Variants in TIAM2 observed in about 807,000 individuals in gnomAD.
TIAM2 encodes the protein TIAM Rac1 associated GEF 2, also known as rho guanine nucleotide exchange factor TIAM2.
A neutral mutation model predicts 152.9 loss-of-function variants in TIAM2; 80 were observed. The ratio of observed to expected loss-of-function variants is 0.52; its 90% CI spans 0.44 to 0.63. The LOEUF (loss-of-function observed/expected upper bound fraction) is 0.63, where lower values mean the gene tolerates loss of function less well. Ranked by LOEUF, TIAM2 falls within the 30% of genes least tolerant of loss-of-function variation. The probability of loss-of-function intolerance (pLI) is 0.00; values close to 1 mark genes in which losing one functional copy is unlikely to be tolerated. For missense variants in TIAM2, 1,965 were observed against 2,120.1 expected, an observed-to-expected ratio of 0.93 and a Z score of 1.44; for synonymous variants, 804 against 838.0, an observed-to-expected ratio of 0.96 and a Z score of 0.70.
At position 155,137,600 on chromosome 6, in the gene TIAM2, G is replaced by A. The variant is rs1054892138; in HGVS notation, c.1618G>A (p.Val540Ile). The A allele has an allele frequency of 6.3e-7, 1 of 1,591,480 alleles. No homozygotes were observed. Among genetic ancestry groups the A allele is most frequent in the South Asian group, 1.1e-5 (1 of 88,624 alleles). The change falls in exon 5 of 27, where the codon GTA becomes ATA. Residue 540 changes from valine to isoleucine, a missense_variant. Physicochemically the swap from Val to Ile is conservative, Grantham distance 29. Transcript: ENST00000682666. ...VARRKWKQYW[V>I]TLKGCTLLFY... ...ACGAAGGAAATGGAAACAGTACTGG[G>A]TAACGCTGAAAGGTGAGTGCAGTGT...
chr6:155,065,231 G>A (rs1320245550), intron 1 of TIAM2, among the ~76,000 whole-genome samples: 1 of 152,068 alleles, frequency 6.6e-6, no homozygotes, highest in African/African-American at 2.4e-5. Flanking sequence ...TGGGATTACA[G>A]GCGTGAGCCA....
chr6:155,005,846 C>T (rs1260427085), intron 1 of TIAM2, among the ~76,000 whole-genome samples: 3 of 152,124 alleles, frequency 2.0e-5, no homozygotes, highest in Non-Finnish European at 4.4e-5. Context: ...AATGGGGTTT[C>T]ACCATGTTGG....
At position 155,209,448 on chromosome 6, in the gene TIAM2, G is replaced by A. The variant is rs144793740; in HGVS notation, c.3065-1756G>A. 2.9e-3 allele frequency among the ~76,000 whole-genome samples: 435 copies of A among 152,288 alleles called. 4 individuals are homozygous for A. The highest frequency in any genetic ancestry group is 9.9e-3 in the African/African-American group (410 of 41,552). On this transcript the variant is annotated intron_variant, in intron 14 of 26. Transcript: ENST00000682666. Reference sequence around the variant, plus strand: ...GGAGGCAGTCTTAAAGGACAGCAGTGGGTCACTTGTGGTTGAGGGTCTCAT... The same window carrying A: ...GGAGGCAGTCTTAAAGGACAGCAGTAGGTCACTTGTGGTTGAGGGTCTCAT...
intron 1 of TIAM2, among the ~76,000 whole-genome samples, chr6:154,998,788 G>C (rs922276500): frequency 4.6e-5 from 7 of 152,180 alleles, no homozygotes; most frequent in Admixed American, 4.6e-4. Flanking sequence ...CACTGAGCTT[G>C]TGTAGAGGCA....
rs574279169 is a variant in TIAM2 at position 155,218,020 on chromosome 6, C to G, written c.3168+6713C>G. Among the ~76,000 whole-genome samples the G allele has an allele frequency of 5.7e-4, 87 of 152,238 alleles. No individual in the cohort carries two copies. The highest frequency in any genetic ancestry group is 2.0e-3 in the African/African-American group (81 of 41,530). On this transcript the variant is annotated intron_variant, in intron 15 of 26. Transcript: ENST00000682666. This position sits in a 1 kb window ranked among gnomAD's most constrained non-coding sequence, Gnocchi z 4.5. ...TGAAGGAAAAGAAAAAATTATTGGA[C>G]CACATGATTTGCTTTCCAGCATTCT...
In TIAM2 at chr6:155,173,169, TTGTGTG is replaced by T. The variant is rs60356205; in HGVS notation, c.2362-3619_2362-3614del. On this transcript the variant is annotated intron_variant, in intron 9 of 26. Transcript: ENST00000682666. The stretch of plus-strand genomic sequence containing the variant: ...CTTGAACTGTATACATTTGTGAGGG[TTGTGTG>T]TGTGTGTGTGTGTGTGTGTGTGTGT... Among the ~76,000 whole-genome samples the T allele has an allele frequency of 8.2e-3, 1,209 of 146,830 alleles. 9 individuals are homozygous for T. Among genetic ancestry groups the T allele is most frequent in the Non-Finnish European group, 0.013 (839 of 66,336 alleles).
At chr6:155,108,657 C>T (rs1433511230) in intron 2 of TIAM2, among the ~76,000 whole-genome samples, 2 of 152,006 alleles carry the variant, frequency 1.3e-5, no homozygotes, top group African/African-American at 2.4e-5. Flanking sequence ...CCTGGAAGTG[C>T]GAGATAAGCG....
intron 14 of TIAM2, among the ~76,000 whole-genome samples, chr6:155,192,039 G>A (rs946199883): frequency 6.6e-6 from 1 of 152,004 alleles, no homozygotes; most frequent in African/African-American, 2.4e-5. Flanking sequence ...TGGATTATGT[G>A]GGGGGCCCAG....
At position 155,164,619 on chromosome 6, in the gene TIAM2, C is replaced by A. The variant is rs372226891; in HGVS notation, c.2214+19C>A. The A allele has an allele frequency of 6.3e-7, 1 of 1,595,122 alleles. No individual in the cohort carries two copies. The highest frequency in any genetic ancestry group is 8.6e-7 in the Non-Finnish European group (1 of 1,166,656). The stretch of plus-strand genomic sequence containing the variant: ...TGCTCTGGTAAGTTCCTGAGGAAGG[C>A]TGTTTCTGCAGCATTCGGGGAGGGC... On this transcript the variant is annotated intron_variant, in intron 8 of 26. Transcript: ENST00000682666.
chr6:155,029,142 CACTA>C (rs1776727165), intron 1 of TIAM2, among the ~76,000 whole-genome samples: 1 of 86,524 alleles, frequency 1.2e-5, no homozygotes, highest in African/African-American at 4.3e-5. Context: ...GTGTTATATA[CACTA>C]TATGTACTAT....
chr6:155,256,861 G>C lies in TIAM2; in HGVS notation c.4846G>C (p.Gly1616Arg). 1.9e-6 allele frequency: 3 copies of C among 1,614,202 alleles called. No homozygotes were observed. Among genetic ancestry groups the C allele is most frequent in the Non-Finnish European group, 2.5e-6 (3 of 1,180,036 alleles). Residue 1616 changes from glycine to arginine, a missense_variant, in exon 27 of 27, where the codon GGT (glycine) becomes CGT (arginine). Gly to Arg is a moderately radical substitution (Grantham distance 125). This residue lies in a region of TIAM2 where 935 missense variants were observed against 980.0 expected (regional missense o/e 0.95). Coordinates refer to ENST00000682666, the MANE Select transcript of TIAM2 (RefSeq NM_012454.4). ...EAEQQPGPESGEGQKGGEQPK... is the reference protein window; with the variant it reads ...EAEQQPGPESREGQKGGEQPK... ...TGAGCAGCAGCCTGGCCCGGAGTCG[G>C]GTGAGGGTCAGAAAGGAGGAGAGCA...
intron 12 of TIAM2, 59 bp downstream of exon 12, chr6:155,179,515 C>T: frequency 6.7e-7 from 1 of 1,501,344 alleles, no homozygotes; most frequent in South Asian, 1.3e-5. Context: ...CCTACTTTGC[C>T]CCAGCATCTT....
At chr6:155,121,090 A>T (rs1480472494) in intron 2 of TIAM2, among the ~76,000 whole-genome samples, 1 of 152,042 alleles carries the variant, frequency 6.6e-6, no homozygotes, top group Non-Finnish European at 1.5e-5. Flanking sequence ...AACCTAGAAG[A>T]TTCTAAATTT....
intron 15 of TIAM2, among the ~76,000 whole-genome samples, chr6:155,228,498 A>T (rs1449238200): frequency 6.6e-6 from 1 of 152,118 alleles, no homozygotes; most frequent in Non-Finnish European, 1.5e-5. Flanking sequence ...TTATCCCAAA[A>T]CTTGGAGAGG....
At chr6:155,230,329 C>G (rs1421164208) in intron 15 of TIAM2, among the ~76,000 whole-genome samples, 1 of 152,236 alleles carries the variant, frequency 6.6e-6, no homozygotes, top group African/African-American at 2.4e-5. Flanking sequence ...TTACACTGGC[C>G]TTCAATTCCT....
At chr6:155,182,424 C>G in intron 13 of TIAM2, 106 bp downstream of exon 13, 1 of 1,024,122 alleles carries the variant, frequency 9.8e-7, no homozygotes, top group Non-Finnish European at 1.5e-6. Context: ...AAAGGTTGCT[C>G]CTGGAATTTT....
chr6:155,059,293 T>A (rs979839509), intron 1 of TIAM2, among the ~76,000 whole-genome samples: 5 of 62,088 alleles, frequency 8.1e-5, no homozygotes, highest in Non-Finnish European at 1.2e-4. Flanking sequence ...TGTGTGTGTG[T>A]CTGTGTGTGT....
chr6:155,125,327 G>A (rs1562324243), intron 2 of TIAM2, among the ~76,000 whole-genome samples: 2 of 152,042 alleles, frequency 1.3e-5, no homozygotes, highest in Non-Finnish European at 2.9e-5. Context: ...TAGCCAATAA[G>A]CACATGAAAA....
chr6:155,153,621 CTT>C (rs35672714), intron 7 of TIAM2, among the ~76,000 whole-genome samples: 13 of 105,306 alleles, frequency 1.2e-4, no homozygotes, highest in African/African-American at 3.3e-4. Flanking sequence ...GCTGTTTACG[CTT>C]TTTTTTTTTT....
Sources: gnomAD v4.1 joint callset for allele counts (sites outside exome capture counted in the v4.1 genomes callset) on GRCh38, gnomAD v4.1.1 for gene constraint, gnomAD v4.1.1 regional missense constraint, Gnocchi (gnomAD v3.1) non-coding constraint, MANE v1.5 for transcripts, NCBI Gene and HGNC (gene_info 2026-07-23, HGNC 2026-07-21) for gene names.